Variants in VCAM1 observed in about 807,000 individuals in gnomAD.
The protein encoded by VCAM1 is vascular cell adhesion molecule 1, also known as vascular cell adhesion protein 1.
In VCAM1, 41 loss-of-function variants were observed where a neutral mutation model predicts 63.8. The ratio of observed to expected loss-of-function variants is 0.64; its 90% confidence interval spans 0.50 to 0.83. The LOEUF is 0.83. VCAM1 is among the 40% of genes least tolerant of loss of function. The pLI, the probability that VCAM1 is intolerant of heterozygous loss-of-function variation, is 0.00. For missense variants in VCAM1, 798 were observed against 875.5 expected (o/e 0.91, Z 1.12); for synonymous variants, 338 against 320.7 (o/e 1.05, Z -0.58).
At position 100,731,503 on chromosome 1, in the gene VCAM1, A is replaced by G. The variant is rs778661707; in HGVS notation, c.1510A>G (p.Thr504Ala). ...FEPKQRQSTQ[T>A]LYVNVAPRDT... ...ACCCAAACAAAGGCAGAGTACGCAAACACTTTATGTCAATGGTAAGTACAT... is the reference window on the plus strand; with the variant it reads ...ACCCAAACAAAGGCAGAGTACGCAAGCACTTTATGTCAATGGTAAGTACAT... Residue 504 changes from threonine to alanine, a missense_variant, in exon 6 of 9, where the codon ACA becomes GCA. Thr to Ala is a moderately conservative substitution (Grantham distance 58). Coordinates refer to ENST00000294728, the MANE Select transcript of VCAM1 (RefSeq NM_001078.4). This position sits in a 1 kb window ranked among gnomAD's most constrained non-coding sequence, Gnocchi z 4.2. The G allele has an allele frequency of 1.2e-6, 2 of 1,612,866 alleles. No individual in the cohort carries two copies. The highest frequency in any genetic ancestry group is 2.7e-5 in the African/African-American group (2 of 74,806).
At position 100,731,534 on chromosome 1, in the gene VCAM1, AG is replaced by A. The variant is rs762775777; in HGVS notation, c.1525+18del. 3.1e-6 allele frequency: 5 copies of A among 1,599,862 alleles called. No individual in the cohort carries two copies. The Admixed American group carries it at 8.5e-5, about 27-fold the overall frequency. Reference sequence around the variant, plus strand: ...TATGTCAATGGTAAGTACATATGTGAGGTATCTACAGTTTAATACCTGTCTC... The same window carrying A: ...TATGTCAATGGTAAGTACATATGTGAGTATCTACAGTTTAATACCTGTCTC... On this transcript the variant is annotated intron_variant, in intron 6 of 8. Transcript: ENST00000294728. The surrounding 1 kb of genome is among the most constrained non-coding windows in gnomAD (Gnocchi z 4.2).
rs1571451652 is a variant in VCAM1 at position 100,719,774 on chromosome 1, G to A, written c.-87G>A. Reference sequence around the variant, plus strand: ...CTGCATCGGGCCTCACTGGCTTCAGGAGCTGAATACCCTCCCAGGCACACA... The same window carrying A: ...CTGCATCGGGCCTCACTGGCTTCAGAAGCTGAATACCCTCCCAGGCACACA... On this transcript the variant is annotated 5_prime_UTR_variant, in exon 1 of 9. Coordinates refer to ENST00000294728, the MANE Select transcript of VCAM1 (RefSeq NM_001078.4). 1 of 1,395,480 alleles carries A rather than the reference G, an allele frequency of 7.2e-7. No individual in the cohort carries two copies. Among genetic ancestry groups the A allele is most frequent in the South Asian group, 1.3e-5 (1 of 75,864 alleles). The allele number at this position is 1,395,480 out of a possible 1,614,324, so 86.4% of individuals were successfully genotyped here.
At chr1:100,720,057 C>T in intron 1 of VCAM1, 133 bp downstream of exon 1, 12 of 945,418 alleles carry the variant, frequency 1.3e-5, no homozygotes, top group Non-Finnish European at 1.7e-5. Flanking sequence ...TTAATTTAGT[C>T]TAACTTTTAA....
chr1:100,720,079 G>A (rs1571451962), intron 1 of VCAM1, among the ~76,000 whole-genome samples, 155 bp downstream of exon 1: 1 of 152,086 alleles, frequency 6.6e-6, no homozygotes, highest in South Asian at 2.1e-4. Context: ...ATGCAATTGA[G>A]TTTTGCTATA....
In VCAM1 at chr1:100,732,449, C is replaced by T; in HGVS notation, c.1557C>T (p.Ser519=). ...CCAGAGATACAACCGTCTTGGTCAGCCCTTCCTCCATCCTGGAGGAAGGCA... is the reference window on the plus strand; with the variant it reads ...CCAGAGATACAACCGTCTTGGTCAGTCCTTCCTCCATCCTGGAGGAAGGCA... ...VAPRDTTVLV[S]PSSILEEGSS... Residue 519 remains serine, a synonymous_variant, in exon 7 of 9, where the codon AGC becomes AGT. Coordinates refer to ENST00000294728, the MANE Select transcript of VCAM1 (RefSeq NM_001078.4). 1 of 1,591,604 alleles carries T rather than the reference C, an allele frequency of 6.3e-7. No individual in the cohort carries two copies. The highest frequency in any genetic ancestry group is 8.5e-7 in the Non-Finnish European group (1 of 1,170,636).
At position 100,731,460 on chromosome 1, in the gene VCAM1, T is replaced by C. The variant is rs988628347; in HGVS notation, c.1467T>C (p.Ile489=). 5.6e-6 allele frequency: 9 copies of C among 1,613,606 alleles called. No individual in the cohort carries two copies. The highest frequency in any genetic ancestry group is 5.9e-6 in the Non-Finnish European group (7 of 1,179,834). ...TTGTTTGTCAGGCTAAGTTACATAT[T>C]GATGACATGGAATTCGAACCCAAAC... is the stretch of plus-strand genomic sequence containing the variant. The part of the protein sequence containing the change: ...KALVCQAKLH[I]DDMEFEPKQR... Residue 489 remains isoleucine, a synonymous_variant, in exon 6 of 9, where the codon ATT becomes ATC. Transcript: ENST00000294728. The surrounding 1 kb of genome is among the most constrained non-coding windows in gnomAD (Gnocchi z 4.2).
chr1:100,729,325 T>A lies in VCAM1; in HGVS notation c.1147T>A (p.Cys383Ser). 6.2e-7 allele frequency: 1 copy of A among 1,613,172 alleles called. No individual in the cohort carries two copies. The highest frequency in any genetic ancestry group is 8.5e-7 in the Non-Finnish European group (1 of 1,179,512). Reference protein sequence around the residue: ...VSFENEHSYLCTVTCGHKKLE... With the variant: ...VSFENEHSYLSTVTCGHKKLE... ...TTTTGAGAACGAACACTCTTATCTG[T>A]GCACAGTGACTTGTGGACATAAGAA... Residue 383 changes from cysteine (C) to serine (S), a missense_variant, in exon 5 of 9, where the codon TGC becomes AGC. Cys to Ser is a moderately radical substitution (Grantham distance 112). Transcript: ENST00000294728.
intron 5 of VCAM1, among the ~76,000 whole-genome samples, chr1:100,730,171 C>T (rs1280296929): frequency 6.6e-6 from 1 of 152,022 alleles, no homozygotes; most frequent in Admixed American, 6.6e-5. Context: ...ACCAGAAACC[C>T]TGCCCAAACT....
At position 100,729,151 on chromosome 1, in the gene VCAM1, G is replaced by A; in HGVS notation, c.973G>A (p.Ala325Thr). The A allele has an allele frequency of 6.2e-7, 1 of 1,610,506 alleles. No homozygotes were observed. The highest frequency in any genetic ancestry group is 8.5e-7 in the Non-Finnish European group (1 of 1,177,714). The change falls in exon 5 of 9, where the codon GCT becomes ACT. Residue 325 changes from alanine (A) to threonine (T), a missense_variant. Physicochemically the swap from Ala to Thr is moderately conservative, Grantham distance 58 (BLOSUM62 0). Coordinates refer to ENST00000294728, the MANE Select transcript of VCAM1 (RefSeq NM_001078.4). ...VEISPGPRIA[A>T]QIGDSVMLTC... ...GATCTCCCCTGGACCCCGGATTGCTGCTCAGATTGGAGACTCAGTCATGTT... is the reference window on the plus strand; with the variant it reads ...GATCTCCCCTGGACCCCGGATTGCTACTCAGATTGGAGACTCAGTCATGTT...
At chr1:100,725,039 C>T in intron 4 of VCAM1, 149 bp downstream of exon 4, 2 of 1,062,818 alleles carry the variant, frequency 1.9e-6, no homozygotes, top group Non-Finnish European at 2.6e-6. Flanking sequence ...ATATGTTTAT[C>T]TTACTAGTAC....
intron 2 of VCAM1, 105 bp downstream of exon 2, chr1:100,720,856 A>T: frequency 7.6e-7 from 1 of 1,319,308 alleles, no homozygotes. Context: ...TCATGTACAG[A>T]TTCTTGGCTA....
At chr1:100,720,334 T>G in intron 1 of VCAM1, 142 bp from the exon 2 acceptor site, 2 of 1,169,018 alleles carry the variant, frequency 1.7e-6, no homozygotes, top group Non-Finnish European at 2.4e-6. Flanking sequence ...CTTCGGTGCT[T>G]TTTGGCTACC....
Position 100,732,450 on chromosome 1 carries a change from C to A in VCAM1, c.1558C>A (p.Pro520Thr). 6.3e-7 allele frequency: 1 copy of A among 1,598,280 alleles called. No homozygotes were observed. Among genetic ancestry groups the A allele is most frequent in the Non-Finnish European group, 8.5e-7 (1 of 1,174,282 alleles). Residue 520 changes from proline to threonine, a missense_variant, in exon 7 of 9, where the codon CCT becomes ACT. By Grantham distance (38) the Pro-to-Thr change is conservative. Coordinates refer to ENST00000294728, the MANE Select transcript of VCAM1 (RefSeq NM_001078.4). The part of the protein sequence containing the change: ...APRDTTVLVS[P>T]SSILEEGSSV... Reference sequence around the variant, plus strand: ...CAGAGATACAACCGTCTTGGTCAGCCCTTCCTCCATCCTGGAGGAAGGCAG... The same window carrying A: ...CAGAGATACAACCGTCTTGGTCAGCACTTCCTCCATCCTGGAGGAAGGCAG...
At chr1:100,730,073 G>A (rs1444537681) in intron 5 of VCAM1, among the ~76,000 whole-genome samples, 1 of 152,038 alleles carries the variant, frequency 6.6e-6, no homozygotes, top group Non-Finnish European at 1.5e-5. Context: ...AATATGCAAA[G>A]TGACCATAAA....
intron 2 of VCAM1, among the ~76,000 whole-genome samples, chr1:100,722,017 T>C (rs1659970975): frequency 6.6e-6 from 1 of 152,124 alleles, no homozygotes; most frequent in Non-Finnish European, 1.5e-5. Flanking sequence ...TTTAATTATC[T>C]TGCCTGAGGT....
intron 5 of VCAM1, 91 bp downstream of exon 5, chr1:100,729,473 TATG>T: frequency 7.0e-7 from 1 of 1,436,098 alleles, no homozygotes; most frequent in Non-Finnish European, 9.2e-7. Flanking sequence ...ATGAAATCCT[TATG>T]TTTAGAAAAG....
Position 100,738,244 on chromosome 1 carries a change from G to T in VCAM1, c.2181G>T (p.Gly727=), listed in dbSNP as rs1660730003. Residue 727 remains glycine (G), a synonymous_variant, in exon 9 of 9, where the codon GGG becomes GGT. Coordinates refer to ENST00000294728, the MANE Select transcript of VCAM1 (RefSeq NM_001078.4). The part of the protein sequence containing the change: ...IYFARKANMK[G]SYSLVEAQKS... ...TTGCAAGAAAAGCCAACATGAAGGG[G>T]TCATATAGTCTTGTAGAAGCACAGA... 6.2e-7 allele frequency: 1 copy of T among 1,613,702 alleles called. No individual in the cohort carries two copies. The highest frequency in any genetic ancestry group is 8.5e-7 in the Non-Finnish European group (1 of 1,179,712).
Position 100,731,115 on chromosome 1 carries a change from T to G in VCAM1, c.1205-83T>G, listed in dbSNP as rs1468328173. On this transcript the variant is annotated intron_variant, in intron 5 of 8. Coordinates refer to ENST00000294728, the MANE Select transcript of VCAM1 (RefSeq NM_001078.4). The surrounding 1 kb of genome is among the most constrained non-coding windows in gnomAD (Gnocchi z 4.2). The stretch of plus-strand genomic sequence containing the variant: ...CCCAGGTGACTTAAAGCTGTCATTT[T>G]TAGGCCTTTACATTTAATAAAGCTT... 7.2e-7 allele frequency: 1 copy of G among 1,383,794 alleles called. No homozygotes were observed. Among genetic ancestry groups the G allele is most frequent in the Non-Finnish European group, 9.7e-7 (1 of 1,030,356 alleles). The allele number at this position is 1,383,794 out of a possible 1,614,324, so 85.7% of individuals were successfully genotyped here.
In VCAM1 at chr1:100,724,876, A is replaced by T; in HGVS notation, c.914A>T (p.Glu305Val). The T allele has an allele frequency of 6.2e-7, 1 of 1,612,556 alleles. No individual in the cohort carries two copies. Among genetic ancestry groups the T allele is most frequent in the Non-Finnish European group, 8.5e-7 (1 of 1,179,126 alleles). ...ATTGGGAAAAACAGAAAAGAGGTGG[A>T]ATTAATTGTTCAAGGTGAGTAGAAT... Reference protein sequence around the residue: ...NLIGKNRKEVELIVQEKPFTV... With the variant: ...NLIGKNRKEVVLIVQEKPFTV... The change falls in exon 4 of 9, where the codon GAA becomes GTA. Residue 305 changes from glutamate (E) to valine (V), a missense_variant. By Grantham distance (121) the Glu-to-Val change is moderately radical (BLOSUM62 -2). Coordinates refer to ENST00000294728, the MANE Select transcript of VCAM1 (RefSeq NM_001078.4).
Sources: allele counts gnomAD v4.1 joint callset (sites outside exome capture counted in the v4.1 genomes callset), GRCh38; gene constraint gnomAD v4.1.1; non-coding constraint Gnocchi (gnomAD v3.1); transcripts MANE v1.5; gene names NCBI Gene and HGNC (gene_info 2026-07-23, HGNC 2026-07-21).